Variants in PARD3 observed in about 807,000 individuals in gnomAD.
PARD3 encodes the protein partitioning defective 3 homolog.
In PARD3, 75 loss-of-function variants were observed where a neutral mutation model predicts 155.4. The ratio of observed to expected loss-of-function variants is 0.48; its 90% CI spans 0.40 to 0.58. The LOEUF is 0.58. PARD3 is among the 20% of genes least tolerant of loss of function. The probability of loss-of-function intolerance (pLI) is 0.00; values close to 1 mark genes in which losing one functional copy is unlikely to be tolerated. For synonymous variants in PARD3, 576 were observed against 610.5 expected, an observed-to-expected ratio of 0.94 and a Z score of 0.83; for missense variants, 1,642 against 1,721.7, an observed-to-expected ratio of 0.95 and a Z score of 0.82.
intron 2 of PARD3, chr10:34,675,858 C>A: frequency 5.0e-6 from 1 of 200,974 alleles, no homozygotes; most frequent in Non-Finnish European, 1.1e-5. Context: ...TTCACACACA[C>A]ACACACGCGC....
intron 2 of PARD3, among the ~76,000 whole-genome samples, chr10:34,573,735 AAACACACACACAC>A (rs2086651534): frequency 8.1e-5 from 1 of 12,280 alleles, no homozygotes; most frequent in Admixed American, 9.3e-4. Context: ...AAACAAACAA[AAACACACACACAC>A]ACACACACAC....
intron 1 of PARD3, among the ~76,000 whole-genome samples, chr10:34,781,419 A>G (rs1356544181): frequency 1.3e-5 from 2 of 152,230 alleles, no homozygotes; most frequent in Non-Finnish European, 2.9e-5. Flanking sequence ...GTGGACAAAT[A>G]GAGCATAATA....
intron 22 of PARD3, among the ~76,000 whole-genome samples, chr10:34,243,141 A>C (rs1449765704): frequency 2.0e-5 from 3 of 152,224 alleles, no homozygotes; most frequent in Non-Finnish European, 4.4e-5. Flanking sequence ...TGGGAATCTA[A>C]AAATAATCTA....
At chr10:34,562,541 C>T (rs1175624197) in intron 2 of PARD3, among the ~76,000 whole-genome samples, 1 of 152,268 alleles carries the variant, frequency 6.6e-6, no homozygotes, top group Non-Finnish European at 1.5e-5. Flanking sequence ...ACTCTACAGG[C>T]CCAATCTGCT....
chr10:34,720,617 G>A (rs1033568331), intron 1 of PARD3, among the ~76,000 whole-genome samples: 1 of 152,006 alleles, frequency 6.6e-6, no homozygotes, highest in African/African-American at 2.4e-5. Flanking sequence ...GACCAACAAG[G>A]AGAAATCTTG....
chr10:34,582,321 G>T (rs1267040367), intron 2 of PARD3, among the ~76,000 whole-genome samples: 2 of 152,164 alleles, frequency 1.3e-5, no homozygotes, highest in African/African-American at 4.8e-5. Context: ...AGGGGGAAAA[G>T]AATTCACATA....
chr10:34,249,210 T>C (rs1458624464), intron 22 of PARD3, among the ~76,000 whole-genome samples: 1 of 152,176 alleles, frequency 6.6e-6, no homozygotes, highest in East Asian at 1.9e-4. Flanking sequence ...AGACATCTCA[T>C]TATGTTGCCC....
chr10:34,310,467 A>G (rs974465484), intron 20 of PARD3, among the ~76,000 whole-genome samples: 3 of 152,238 alleles, frequency 2.0e-5, no homozygotes, highest in Non-Finnish European at 4.4e-5. Flanking sequence ...TAGAGAGACT[A>G]TCAAGTAGGT....
chr10:34,463,695 CA>C (rs1019744688), intron 4 of PARD3, among the ~76,000 whole-genome samples: 3 of 151,532 alleles, frequency 2.0e-5, no homozygotes, highest in South Asian at 2.1e-4. Flanking sequence ...AAAGATATCT[CA>C]AAAAAAACAT....
intron 22 of PARD3, among the ~76,000 whole-genome samples, chr10:34,147,200 C>T (rs570607342): frequency 6.6e-6 from 1 of 152,152 alleles, no homozygotes; most frequent in South Asian, 2.1e-4. Flanking sequence ...TTCTGACAGA[C>T]CCCCCACCTC....
chr10:34,315,647 G>A (rs1957961744), intron 20 of PARD3, among the ~76,000 whole-genome samples: 1 of 152,176 alleles, frequency 6.6e-6, no homozygotes, highest in South Asian at 2.1e-4. Context: ...GCCAGTTTAT[G>A]AGCTGTCAGT....
At chr10:34,634,095 A>G (rs1012331162) in intron 2 of PARD3, among the ~76,000 whole-genome samples, 1 of 152,208 alleles carries the variant, frequency 6.6e-6, no homozygotes, top group Non-Finnish European at 1.5e-5. Flanking sequence ...AATAGATGAC[A>G]CTAGAAGATG....
In PARD3 at chr10:34,261,693, AAAGAAAGGAAGAAAGGAAGGAAGAAAGG is replaced by A. The variant is rs1484895908; in HGVS notation, c.3419+7936_3419+7963del. ...AACAGAGTGAGACTCTGTCTCAAAG[AAAGAAAGGAAGAAAGGAAGGAAGAAAGG>A]AAGAAAGGAAGGAAGAAAGGAAGAA... On this transcript the variant is annotated intron_variant, in intron 22 of 24. Transcript: ENST00000374788. Among the ~76,000 whole-genome samples, 673 of 115,026 alleles carry A rather than the reference AAAGAAAGGAAGAAAGGAAGGAAGAAAGG, an allele frequency of 5.9e-3. 4 individuals are homozygous for A. Among genetic ancestry groups the A allele is most frequent in the Non-Finnish European group, 8.1e-3 (500 of 62,090 alleles). 75.5% of individuals were successfully genotyped at this position (115,026 alleles called of 152,430 possible).
chr10:34,163,606 T>C (rs1440212803), intron 22 of PARD3, among the ~76,000 whole-genome samples: 1 of 152,148 alleles, frequency 6.6e-6, no homozygotes, highest in African/African-American at 2.4e-5. Context: ...TAATAATAAA[T>C]ATTTTTGGCC....
chr10:34,348,150 C>G (rs774179874), intron 14 of PARD3, 35 bp from the exon 15 acceptor site: 14 of 1,564,856 alleles, frequency 8.9e-6, no homozygotes, highest in Non-Finnish European at 9.5e-6. Context: ...AAAGAAAAAT[C>G]AGTACCTGGA....
At chr10:34,549,958 C>T (rs1265244552) in intron 2 of PARD3, among the ~76,000 whole-genome samples, 1 of 152,062 alleles carries the variant, frequency 6.6e-6, no homozygotes, top group African/African-American at 2.4e-5. Context: ...CAGAAACCAT[C>T]CAGCATACAA....
intron 1 of PARD3, among the ~76,000 whole-genome samples, chr10:34,755,101 A>C (rs1443992331): frequency 7.0e-6 from 1 of 142,162 alleles, no homozygotes; most frequent in Non-Finnish European, 1.5e-5. Flanking sequence ...GACAGCTTCA[A>C]GAAGAATTGC....
chr10:34,515,735 A>G (rs1405475032), intron 3 of PARD3, among the ~76,000 whole-genome samples: 1 of 152,224 alleles, frequency 6.6e-6, no homozygotes, highest in Non-Finnish European at 1.5e-5. Context: ...ATTGCTATCA[A>G]TGCAAAAAAA....
intron 2 of PARD3, among the ~76,000 whole-genome samples, chr10:34,590,675 A>G (rs1280594755): frequency 6.6e-6 from 1 of 152,188 alleles, no homozygotes; most frequent in Non-Finnish European, 1.5e-5. Flanking sequence ...CTGTCCAACA[A>G]TGATCACACT....
Sources: allele counts gnomAD v4.1 joint callset (sites outside exome capture counted in the v4.1 genomes callset), GRCh38; gene constraint gnomAD v4.1.1; transcripts MANE v1.5; gene names NCBI Gene and HGNC (gene_info 2026-07-23, HGNC 2026-07-21).